The following CDK12 variants were observed in gnomAD, a reference collection of about 807,000 sequenced individuals.
CDK12 encodes cyclin-dependent kinase 12.
In CDK12, 17 loss-of-function variants were observed where a neutral mutation model predicts 133.8. The ratio of observed to expected loss-of-function variants is 0.13; its 90% confidence interval spans 0.09 to 0.19. The LOEUF is 0.19. Ranked by LOEUF, CDK12 falls within the 10% of genes least tolerant of loss-of-function variation. The probability of loss-of-function intolerance (pLI) is 1.00; values close to 1 mark genes in which losing one functional copy is unlikely to be tolerated. For synonymous variants in CDK12, 694 were observed against 683.6 expected (o/e 1.02, Z -0.24); for missense variants, 1,508 against 1,818.7 (o/e 0.83, Z 3.11).
chr17:39,469,487 T>C (rs946889207), intron 1 of CDK12, among the ~76,000 whole-genome samples: 1 of 152,220 alleles, frequency 6.6e-6, no homozygotes, highest in Non-Finnish European at 1.5e-5. Context: ...TTTACAACTT[T>C]ATTATAAACT....
chr17:39,506,212 AT>A lies in CDK12; in HGVS notation c.2610-3471del, dbSNP rs1177367409. Among the ~76,000 whole-genome samples, 311 of 119,748 alleles carry A rather than the reference AT, an allele frequency of 2.6e-3. 1 individual carries two copies. The highest frequency in any genetic ancestry group is 6.2e-3 in the South Asian group (25 of 4,016). 78.6% of individuals were successfully genotyped at this position (119,748 alleles called of 152,430 possible). A position where few individuals can be genotyped will look rare whatever the true frequency, so the allele number is the denominator to read the frequency against. ...TGACACCATACAATATGATTATATGATTTTTTTTTTTTTTTTTTTTTTGAGA... is the reference window on the plus strand; with the variant it reads ...TGACACCATACAATATGATTATATGATTTTTTTTTTTTTTTTTTTTTGAGA... On this transcript the variant is annotated intron_variant, in intron 6 of 13. Coordinates refer to ENST00000447079, the MANE Select transcript of CDK12 (RefSeq NM_016507.4).
chr17:39,481,634 CTCTCTCTCTCTCTCTCT>C (rs2050677284), intron 2 of CDK12, among the ~76,000 whole-genome samples: 7 of 3,906 alleles, frequency 1.8e-3, no homozygotes, highest in African/African-American at 4.5e-3. Context: ...CGCTCGCGCG[CTCTCTCTCTCTCTCTCT>C]CTCTCTCTCT....
rs2143322313 is a variant in CDK12 at position 39,533,832 on chromosome 17, A to G, written c.*2516A>G. The G allele has an allele frequency of 4.3e-6, 1 of 232,282 alleles. No homozygotes were observed. Among genetic ancestry groups the G allele is most frequent in the East Asian group, 6.1e-5 (1 of 16,474 alleles). 14.4% of individuals were successfully genotyped at this position (232,282 alleles called of 1,614,324 possible). A position where few individuals can be genotyped will look rare whatever the true frequency, so the allele number is the denominator to read the frequency against. On this transcript the variant is annotated 3_prime_UTR_variant, in exon 14 of 14. Coordinates refer to ENST00000447079, the MANE Select transcript of CDK12 (RefSeq NM_016507.4). ...CTTATTTAAATATCCTGGAATCTGT[A>G]TGGAGGAAGAAAAGGTATTTGTTAA... is the stretch of plus-strand genomic sequence containing the variant.
In CDK12 at chr17:39,530,942, G is replaced by A; in HGVS notation, c.4099G>A (p.Val1367Ile). 6.2e-7 allele frequency: 1 copy of A among 1,614,182 alleles called. No individual in the cohort carries two copies. Among genetic ancestry groups the A allele is most frequent in the African/African-American group, 1.3e-5 (1 of 75,038 alleles). ...TGGTCCAGCCTTGACAGAATCCTTG[G>A]TCCAGACCCTGGTGAAGAACAGGAC... Reference protein sequence around the residue: ...NSGPALTESLVQTLVKNRTFS... With the variant: ...NSGPALTESLIQTLVKNRTFS... The change falls in exon 14 of 14, where the codon GTC becomes ATC. Residue 1367 changes from valine (V) to isoleucine (I), a missense_variant. Transcript: ENST00000447079.
chr17:39,483,466 G>C (rs191578920), intron 2 of CDK12, among the ~76,000 whole-genome samples: 1 of 151,792 alleles, frequency 6.6e-6, no homozygotes, highest in Non-Finnish European at 1.5e-5. Flanking sequence ...GAGTTTGACT[G>C]TGTTGTCCAG....
intron 2 of CDK12, among the ~76,000 whole-genome samples, chr17:39,475,891 A>G (rs900986187): frequency 6.6e-6 from 1 of 152,064 alleles, no homozygotes; most frequent in Non-Finnish European, 1.5e-5. Context: ...GGTCCAAAAT[A>G]TAGATAGATA....
chr17:39,519,882 C>A, intron 10 of CDK12, 74 bp from the exon 11 acceptor site: 1 of 1,580,858 alleles, frequency 6.3e-7, no homozygotes, highest in Non-Finnish European at 8.6e-7. Flanking sequence ...GTGTGAGACC[C>A]TTTGAAACAA....
At chr17:39,480,204 C>T (rs1014787654) in intron 2 of CDK12, among the ~76,000 whole-genome samples, 6 of 150,692 alleles carry the variant, frequency 4.0e-5, no homozygotes, top group Non-Finnish European at 7.4e-5. Context: ...GATATAGGCG[C>T]GAGCCACCGT....
rs939400727 is a variant in CDK12 at position 39,531,309 on chromosome 17, C to T, written c.4466C>T (p.Pro1489Leu). ...AGAGGGGGAAGAGGGAGAGGAGTTCCTTACTAACCCAGAGACTTCAGTGTC... is the reference window on the plus strand; with the variant it reads ...AGAGGGGGAAGAGGGAGAGGAGTTCTTTACTAACCCAGAGACTTCAGTGTC... ...PPRGGRGRGVPY is the reference protein window; with the variant it reads ...PPRGGRGRGVLY The change falls in exon 14 of 14, where the codon CCT becomes CTT. Residue 1489 changes from proline to leucine, a missense_variant. Around this residue, in one of 9 missense-constraint regions of CDK12, gnomAD observed 114 missense variants for 101.2 expected, o/e 1.13. Coordinates refer to ENST00000447079, the MANE Select transcript of CDK12 (RefSeq NM_016507.4). 6 of 1,483,988 alleles carry T rather than the reference C, an allele frequency of 4.0e-6. No homozygotes were observed. The highest frequency in any genetic ancestry group is 2.4e-5 in the East Asian group (1 of 42,204). The allele number at this position is 1,483,988 out of a possible 1,614,324, so 91.9% of individuals were successfully genotyped here.
At chr17:39,472,797 C>T (rs549142224) in intron 2 of CDK12, among the ~76,000 whole-genome samples, 2 of 150,046 alleles carry the variant, frequency 1.3e-5, no homozygotes, top group Non-Finnish European at 3.0e-5. Context: ...TGCTATCGGC[C>T]AGGCGCGGTG....
intron 2 of CDK12, among the ~76,000 whole-genome samples, chr17:39,554,344 C>G (rs1181915535): frequency 6.6e-6 from 1 of 152,156 alleles, no homozygotes; most frequent in Non-Finnish European, 1.5e-5. Context: ...GCTGGCTGAA[C>G]CAAGGTAGTG....
chr17:39,471,567 T>A lies in CDK12; in HGVS notation c.1735T>A (p.Ser579Thr). ...SQPAFSQVPA[S>T]STSTLPPSTH... ...GCCAGCATTTAGTCAGGTTCCTGCTTCCAGTACTTCAACTTTGCCCCCTTC... is the reference window on the plus strand; with the variant it reads ...GCCAGCATTTAGTCAGGTTCCTGCTACCAGTACTTCAACTTTGCCCCCTTC... The change falls in exon 2 of 14, where the codon TCC becomes ACC. Residue 579 changes from serine to threonine, a missense_variant. This residue lies in a region of CDK12 where 347 missense variants were observed against 330.8 expected (regional missense o/e 1.05). Coordinates refer to ENST00000447079, the MANE Select transcript of CDK12 (RefSeq NM_016507.4). 6.2e-7 allele frequency: 1 copy of A among 1,614,064 alleles called. No homozygotes were observed. The highest frequency in any genetic ancestry group is 8.5e-7 in the Non-Finnish European group (1 of 1,180,008).
In CDK12 at chr17:39,533,189, TATTCTC is replaced by T. The variant is rs2054966672; in HGVS notation, c.*1874_*1879del. ...GATATCGGTGTGTGTATTTCTTTAT[TATTCTC>T]TGGTTTTTGATCTGGCCTTGCCTCC... On this transcript the variant is annotated 3_prime_UTR_variant, in exon 14 of 14. Transcript: ENST00000447079. 1 of 233,136 alleles carries T rather than the reference TATTCTC, an allele frequency of 4.3e-6. No individual in the cohort carries two copies. The highest frequency in any genetic ancestry group is 2.2e-5 in the African/African-American group (1 of 45,466). The allele number at this position is 233,136 out of a possible 1,614,324, so 14.4% of individuals were successfully genotyped here.
Position 39,500,449 on chromosome 17 carries a change from A to G in CDK12, c.2420-801A>G, listed in dbSNP as rs555862059. 1.9e-4 allele frequency among the ~76,000 whole-genome samples: 29 copies of G among 151,908 alleles called. No individual in the cohort carries two copies. The South Asian group carries it at 6.0e-3, about 32-fold the overall frequency. On this transcript the variant is annotated intron_variant, in intron 5 of 13. Transcript: ENST00000447079. Reference sequence around the variant, plus strand: ...GGAGTTTGAGACCAGCCTGACCAACATGGTGAAATCTCGTCTCTACTCAAA... The same window carrying G: ...GGAGTTTGAGACCAGCCTGACCAACGTGGTGAAATCTCGTCTCTACTCAAA...
upstream of CDK12, chr17:39,547,828 CAAGT>C (rs1225883881): frequency 2.6e-5 from 4 of 152,268 alleles, no homozygotes; most frequent in African/African-American, 4.8e-5. Context: ...TGCAGCAGCT[CAAGT>C]AAGTGCCACC....
chr17:39,501,147 G>A (rs2052691698), intron 5 of CDK12, 103 bp from the exon 6 acceptor site: 1 of 728,674 alleles, frequency 1.4e-6, no homozygotes, highest in South Asian at 2.5e-5. Context: ...GTTTTTTCTA[G>A]AGAACCTGTG....
intron 7 of CDK12, 113 bp downstream of exon 7, chr17:39,509,874 C>G (rs1033661994): frequency 1.3e-6 from 1 of 781,986 alleles, no homozygotes; most frequent in Non-Finnish European, 2.2e-6. Context: ...GATCTCAGCT[C>G]GCTGCAGCCT....
intron 6 of CDK12, among the ~76,000 whole-genome samples, chr17:39,503,872 T>C (rs2052905601): frequency 6.6e-6 from 1 of 152,182 alleles, no homozygotes; most frequent in Non-Finnish European, 1.5e-5. Context: ...GGATTCCAAA[T>C]GAGACCAAAT....
At chr17:39,482,096 C>T (rs1405659201) in intron 2 of CDK12, among the ~76,000 whole-genome samples, 1 of 147,456 alleles carries the variant, frequency 6.8e-6, no homozygotes, top group Non-Finnish European at 1.5e-5. Context: ...TCACTGCAAC[C>T]TCCACCTCCT....
Sources: allele counts gnomAD v4.1 joint callset (sites outside exome capture counted in the v4.1 genomes callset), GRCh38; gene constraint gnomAD v4.1.1; regional missense constraint gnomAD v4.1.1; transcripts MANE v1.5; gene names NCBI Gene and HGNC (gene_info 2026-07-23, HGNC 2026-07-21).